Variants in TXNL4A observed in about 807,000 individuals in gnomAD.
TXNL4A encodes thioredoxin-like protein 4A.
TXNL4A carries 17 observed loss-of-function variants against 14.6 expected under a neutral mutation model. That is an observed-to-expected ratio of 1.16 (90% CI 0.80 to 1.74). TXNL4A has a LOEUF of 1.74. TXNL4A is among the 40% of genes most tolerant of loss of function. The probability of loss-of-function intolerance (pLI) is 0.00; values close to 1 mark genes in which losing one functional copy is unlikely to be tolerated. For synonymous variants in TXNL4A, 83 were observed against 70.6 expected (o/e 1.18, Z -0.88); for missense variants, 74 against 195.2 (o/e 0.38, Z 3.70).
At chr18:79,987,055 C>T (rs2051561658) in intron 1 of TXNL4A, among the ~76,000 whole-genome samples, 1 of 152,184 alleles carries the variant, frequency 6.6e-6, no homozygotes, top group African/African-American at 2.4e-5. Flanking sequence ...ACTAAAGCTA[C>T]TCCACCTCCA....
In TXNL4A at chr18:80,026,396, TGAAAGAAAAGGCAGG is replaced by T. The variant is rs2051884645; in HGVS notation, c.-61+7440_-61+7454del. ...TAAAAGGGATTGCCTTAGGCTGAAA[TGAAAGAAAAGGCAGG>T]AAAATGCAACTCAGGAAGACTAGGG... On this transcript the variant is annotated intron_variant, in intron 1 of 2. Transcript: ENST00000585474. Among the ~76,000 whole-genome samples, 3 of 151,964 alleles carry T rather than the reference TGAAAGAAAAGGCAGG, an allele frequency of 2.0e-5. No individual in the cohort carries two copies. The East Asian group carries it at 5.8e-4, about 29-fold the overall frequency.
At chr18:79,989,299 G>A (rs1196450165), upstream of TXNL4A, among the ~76,000 whole-genome samples, 2 of 152,156 alleles carry the variant, frequency 1.3e-5, no homozygotes, top group East Asian at 3.9e-4. Flanking sequence ...TAGTAGAGAC[G>A]GGGTTTAACC....
intron 1 of TXNL4A, among the ~76,000 whole-genome samples, chr18:79,997,499 A>C (rs879320971): frequency 9.9e-5 from 15 of 152,084 alleles, no homozygotes; most frequent in Non-Finnish European, 2.1e-4. Flanking sequence ...ATATCCTTCT[A>C]TCAACTATAC....
intron 1 of TXNL4A, among the ~76,000 whole-genome samples, chr18:79,999,073 C>T (rs3952522): frequency 2.0e-5 from 3 of 152,192 alleles, no homozygotes; most frequent in East Asian, 1.9e-4. Flanking sequence ...GCTGAGTTGA[C>T]TGCCCTGACC....
At position 80,003,323 on chromosome 18, in the gene TXNL4A, C is replaced by G. The variant is rs148277086; in HGVS notation, c.-60-25622G>C. ...AGGTCCTGTGCAGTGTGACACCCCA[C>G]CAGGTGACTTCAGGGTGTGTGCCTG... On this transcript the variant is annotated intron_variant, in intron 1 of 2. Transcript: ENST00000585474. Among the ~76,000 whole-genome samples the G allele has an allele frequency of 1.5e-4, 23 of 152,360 alleles. No homozygotes were observed. The East Asian group carries it at 2.9e-3, about 19-fold the overall frequency.
chr18:79,980,953 C>T lies in TXNL4A; in HGVS notation c.154-3252G>A, dbSNP rs139123896. ...GCCCATTTCTGAAACTCTAGTTTCC[C>T]GCAGCGTCCACAGTGAGAATGTGTT... On this transcript the variant is annotated intron_variant, in intron 1 of 2. Transcript: ENST00000269601. 1.9e-3 allele frequency among the ~76,000 whole-genome samples: 287 copies of T among 152,300 alleles called. 2 individuals carry two copies. In the Middle Eastern group the frequency reaches 0.02, roughly 11 times the overall value.
chr18:80,008,723 GT>G (rs2051749122), intron 1 of TXNL4A, among the ~76,000 whole-genome samples: 1 of 152,110 alleles, frequency 6.6e-6, no homozygotes, highest in African/African-American at 2.4e-5. Context: ...GTATGAGTCT[GT>G]CTCACTTTCC....
chr18:79,977,575 G>GT (rs748239471), intron 2 of TXNL4A, 23 bp downstream of exon 2: 22 of 1,515,658 alleles, frequency 1.5e-5, no homozygotes, highest in Non-Finnish European at 1.8e-5. Context: ...TTCAATTTCA[G>GT]TAACAACTTT....
At chr18:80,004,533 C>T (rs1396092015) in intron 1 of TXNL4A, among the ~76,000 whole-genome samples, 1 of 152,136 alleles carries the variant, frequency 6.6e-6, no homozygotes, top group African/African-American at 2.4e-5. Context: ...GGGGGATTCG[C>T]ACTTCCTTGC....
At chr18:80,003,288 TGTCCAGCACAG>T (rs1028130790) in intron 1 of TXNL4A, among the ~76,000 whole-genome samples, 1 of 152,232 alleles carries the variant, frequency 6.6e-6, no homozygotes, top group African/African-American at 2.4e-5. Flanking sequence ...CTTCAAGGTG[TGTCCAGCACAG>T]GTCCTGTGCA....
intron 1 of TXNL4A, among the ~76,000 whole-genome samples, chr18:79,978,922 TA>T (rs1871864926): frequency 6.6e-6 from 1 of 151,776 alleles, no homozygotes; most frequent in South Asian, 2.1e-4. Context: ...TATGCTGCTT[TA>T]ATTTTGAGCA....
chr18:80,026,533 T>C (rs1466721773), intron 1 of TXNL4A, among the ~76,000 whole-genome samples: 1 of 152,194 alleles, frequency 6.6e-6, no homozygotes, highest in African/African-American at 2.4e-5. Context: ...AGCTGACAAC[T>C]GCCTTTATTG....
chr18:80,006,705 G>A (rs1443306055), intron 1 of TXNL4A, among the ~76,000 whole-genome samples: 2 of 152,126 alleles, frequency 1.3e-5, no homozygotes, highest in East Asian at 3.9e-4. Flanking sequence ...GAGTTTAATA[G>A]GCAAAAGAGA....
chr18:79,988,336 G>C lies in TXNL4A; in HGVS notation c.57C>G (p.Leu19=), dbSNP rs2051588373. Residue 19 remains leucine (L), a synonymous_variant, in exon 1 of 3, where the codon CTC becomes CTG. Transcript: ENST00000269601. ...TGACGACCACGCGGTCCTCCTCCGA[G>C]AGGATGGCCTGGTCCACCTGCCAGC... ...HNGWQVDQAI[L]SEEDRVVVIR... is the part of the protein sequence containing the mutation. 3.8e-6 allele frequency: 6 copies of C among 1,585,024 alleles called. No homozygotes were observed. In the African/African-American group the frequency reaches 6.7e-5, roughly 18 times the overall value.
intron 1 of TXNL4A, among the ~76,000 whole-genome samples, chr18:79,996,120 A>C (rs1271175997): frequency 1.3e-5 from 2 of 150,892 alleles, no homozygotes; most frequent in African/African-American, 2.4e-5. Context: ...AAAAAAAAAA[A>C]AAAAAAACGG....
At chr18:79,980,794 T>A (rs190701666) in intron 1 of TXNL4A, among the ~76,000 whole-genome samples, 1 of 152,084 alleles carries the variant, frequency 6.6e-6, no homozygotes, top group Non-Finnish European at 1.5e-5. Context: ...TCGCCATCCA[T>A]GTGCTTTCAA....
chr18:79,986,512 G>C (rs2051550843), intron 1 of TXNL4A: 1 of 923,810 alleles, frequency 1.1e-6, no homozygotes, highest in Admixed American at 6.2e-5. Context: ...GTGTCCACTA[G>C]TGATACAGTG....
chr18:80,001,905 T>C (rs1412288041), intron 1 of TXNL4A, among the ~76,000 whole-genome samples: 1 of 152,164 alleles, frequency 6.6e-6, no homozygotes, highest in Admixed American at 6.5e-5. Context: ...TGGGGGACTG[T>C]TGGGAAGGCA....
rs370541557 is a variant in TXNL4A, at chr18:79,973,667, G to A, written c.*18C>T. 8.6e-5 allele frequency: 138 copies of A among 1,601,074 alleles called. No homozygotes were observed. In the African/African-American group the frequency reaches 1.5e-3, roughly 18 times the overall value. On this transcript the variant is annotated 3_prime_UTR_variant, in exon 3 of 3. Coordinates refer to ENST00000269601, the MANE Select transcript of TXNL4A (RefSeq NM_006701.5). ...AAAAAGGGCTCCACGACATTTATCC[G>A]CGCAGACTGAGGGCGCCTCAGTAGC...
Sources: gnomAD v4.1 joint callset for allele counts (sites outside exome capture counted in the v4.1 genomes callset) on GRCh38, gnomAD v4.1.1 for gene constraint, MANE v1.5 for transcripts, NCBI Gene and HGNC (gene_info 2026-07-23, HGNC 2026-07-21) for gene names.